Variants in ZNF687 observed in about 807,000 individuals in gnomAD.
The protein encoded by ZNF687 is zinc finger protein 687.
In ZNF687, 13 loss-of-function variants were observed where a neutral mutation model predicts 71.8. The observed-to-expected ratio is 0.18, with a 90% CI of 0.12 to 0.29. ZNF687 has a LOEUF of 0.29. Ranked by LOEUF, ZNF687 falls within the 10% of genes least tolerant of loss-of-function variation. The probability of loss-of-function intolerance (pLI) is 1.00; values close to 1 mark genes in which losing one functional copy is unlikely to be tolerated. For missense variants in ZNF687, 1,412 were observed against 1,625.6 expected (o/e 0.87, Z 2.26); for synonymous variants, 673 against 641.6 (o/e 1.05, Z -0.74).
Position 151,291,548 on chromosome 1 carries a change from T to TG in ZNF687, c.*344dup, listed in dbSNP as rs921562851. The stretch of plus-strand genomic sequence containing the variant: ...CTAGACAGGTTCAGGGAAGGACTGA[T>TG]GGGGGTGTCATGGATGGACACACCT... On this transcript the variant is annotated 3_prime_UTR_variant, in exon 9 of 9. Coordinates refer to ENST00000336715, the MANE Select transcript of ZNF687 (RefSeq NM_020832.3). 4.7e-5 allele frequency: 11 copies of TG among 231,590 alleles called. No individual in the cohort carries two copies. The highest frequency in any genetic ancestry group is 8.5e-5 in the Non-Finnish European group (10 of 117,320). 14.3% of individuals were successfully genotyped at this position (231,590 alleles called of 1,614,324 possible).
chr1:151,286,177 G>A (rs1571092554), intron 1 of ZNF687, 98 bp from the exon 2 acceptor site: 1 of 1,055,922 alleles, frequency 9.5e-7, no homozygotes, highest in Non-Finnish European at 1.4e-6. Flanking sequence ...GTGTATGTGG[G>A]TTCTGAGAGA....
At chr1:151,288,487 G>A in intron 2 of ZNF687, 41 bp from the exon 3 acceptor site, 2 of 1,580,930 alleles carry the variant, frequency 1.3e-6, no homozygotes, top group East Asian at 2.2e-5. Context: ...ATGGAGACAG[G>A]ACACTCCTCA....
chr1:151,283,763 G>T (rs1456971879), intron 1 of ZNF687: 2 of 923,164 alleles, frequency 2.2e-6, no homozygotes, highest in Non-Finnish European at 2.6e-6. Context: ...ATTGAATAGG[G>T]TGGGGGTGAG....
chr1:151,283,000 T>C (rs1428795991), intron 1 of ZNF687: 1 of 537,522 alleles, frequency 1.9e-6, no homozygotes, highest in Non-Finnish European at 2.4e-6. Flanking sequence ...CCTCCCCTCT[T>C]TCCAGCTCCC....
In ZNF687 at chr1:151,286,111, G is replaced by A. The variant is rs191798101; in HGVS notation, c.-17-164G>A. The A allele has an allele frequency of 7.9e-6, 4 of 507,740 alleles. No individual in the cohort carries two copies. The Admixed American group carries it at 1.1e-4, about 14-fold the overall frequency. The allele number at this position is 507,740 out of a possible 1,614,324, so 31.5% of individuals were successfully genotyped here. ...AATCCTCTTCTGATTTTAAGGTTTG[G>A]CAAACCTAGCAGCTCTGTAGGATTC... On this transcript the variant is annotated intron_variant, in intron 1 of 8. Coordinates refer to ENST00000336715, the MANE Select transcript of ZNF687 (RefSeq NM_020832.3).
chr1:151,289,856 C>G lies in ZNF687; in HGVS notation c.2813C>G (p.Pro938Arg), dbSNP rs74472096. 1.1e-4 allele frequency: 165 copies of G among 1,567,684 alleles called. No homozygotes were observed. The highest frequency in any genetic ancestry group is 4.7e-4 in the East Asian group (20 of 42,186). Residue 938 changes from proline (P) to arginine (R), a missense_variant, in exon 6 of 9, where the codon CCC becomes CGC. By Grantham distance (103) the Pro-to-Arg change is moderately radical. Around this residue, in one of 8 missense-constraint regions of ZNF687, gnomAD observed 135 missense variants for 104.1 expected, o/e 1.30. Transcript: ENST00000336715. ...GAAGTACCCAGCTCCCCTGAGCCCC[C>G]CCGTCCAGCCAAACGGCCTCGGCGG... ...EEEVPSSPEP[P>R]RPAKRPRREL...
At chr1:151,284,360 G>A in intron 1 of ZNF687, 1 of 716,332 alleles carries the variant, frequency 1.4e-6, no homozygotes, top group Non-Finnish European at 1.7e-6. Context: ...CTCTGGGGAA[G>A]GTAGTGAGCG....
At chr1:151,284,324 A>AGG in intron 1 of ZNF687, 1 of 948,800 alleles carries the variant, frequency 1.1e-6, no homozygotes, top group Non-Finnish European at 1.3e-6. Context: ...TGGAGAAGGA[A>AGG]GGGCTGGCTA....
intron 1 of ZNF687, among the ~76,000 whole-genome samples, chr1:151,282,836 G>T (rs956511037): frequency 5.3e-5 from 8 of 152,208 alleles, no homozygotes; most frequent in Non-Finnish European, 1.0e-4. Flanking sequence ...CCGGCCCCCT[G>T]CGCACCCCCC....
chr1:151,291,105 G>A lies in ZNF687; in HGVS notation c.3610G>A (p.Val1204Ile). The A allele has an allele frequency of 1.2e-6, 2 of 1,613,524 alleles. No individual in the cohort carries two copies. The highest frequency in any genetic ancestry group is 8.5e-7 in the Non-Finnish European group (1 of 1,180,010). The stretch of plus-strand genomic sequence containing the variant: ...TTCTGGAGGCCCACTGACCTGTAAG[G>A]TCTGTGGCAAGAGCTGCGACAGCCC... ...PASGGPLTCK[V>I]CGKSCDSPLN... The change falls in exon 9 of 9, where the codon GTC (valine) becomes ATC (isoleucine). Residue 1204 changes from valine to isoleucine, a missense_variant. Val to Ile is a conservative substitution (Grantham distance 29). Around this residue, in one of 8 missense-constraint regions of ZNF687, gnomAD observed 284 missense variants for 359.2 expected, o/e 0.79. Coordinates refer to ENST00000336715, the MANE Select transcript of ZNF687 (RefSeq NM_020832.3).
At position 151,284,272 on chromosome 1, in the gene ZNF687, A is replaced by T. The variant is rs1019833933; in HGVS notation, c.-18+1877A>T. 4.4e-5 allele frequency: 43 copies of T among 985,144 alleles called. No individual in the cohort carries two copies. In the African/African-American group the frequency reaches 7.5e-4, roughly 17 times the overall value. The allele number at this position is 985,144 out of a possible 1,614,324, so 61.0% of individuals were successfully genotyped here. ...AGCTGTGCTGGAGAAATGTGTATGT[A>T]TCTTGGGAGTTTTAGCCTCGGGAAA... On this transcript the variant is annotated intron_variant, in intron 1 of 8. Coordinates refer to ENST00000336715, the MANE Select transcript of ZNF687 (RefSeq NM_020832.3).
Position 151,288,663 on chromosome 1 carries a change from C to T in ZNF687, c.2251C>T (p.Leu751Phe). The T allele has an allele frequency of 6.2e-7, 1 of 1,614,072 alleles. No homozygotes were observed. Among genetic ancestry groups the T allele is most frequent in the Non-Finnish European group, 8.5e-7 (1 of 1,179,958 alleles). Residue 751 changes from leucine to phenylalanine, a missense_variant, in exon 3 of 9, where the codon CTC (leucine) becomes TTC (phenylalanine). Leu to Phe is a conservative substitution (Grantham distance 22, BLOSUM62 0). Around this residue, in one of 8 missense-constraint regions of ZNF687, gnomAD observed 207 missense variants for 239.2 expected, o/e 0.87. Coordinates refer to ENST00000336715, the MANE Select transcript of ZNF687 (RefSeq NM_020832.3). ...NFLQANFQTHLREACLHVSRR... is the reference protein window; with the variant it reads ...NFLQANFQTHFREACLHVSRR... ...CCTGCAAGCCAATTTTCAGACCCAT[C>T]TCCGGGAGGCCTGTCTGCACGTCTC...
At position 151,287,277 on chromosome 1, in the gene ZNF687, A is replaced by G. The variant is rs748899962; in HGVS notation, c.986A>G (p.Lys329Arg). The change falls in exon 2 of 9, where the codon AAG (lysine) becomes AGG (arginine). Residue 329 changes from lysine to arginine, a missense_variant. Transcript: ENST00000336715. This position sits in a 1 kb window ranked among gnomAD's most constrained non-coding sequence, Gnocchi z 5.0. ...GCCTCCAGCTCCTCTAGGCCTCTTA[A>G]GGTGCGGATCAAGACCATTAAAACA... The part of the protein sequence containing the change: ...SPASSSSRPL[K>R]VRIKTIKTSC... 5.0e-6 allele frequency: 8 copies of G among 1,614,082 alleles called. No individual in the cohort carries two copies. In the African/African-American group the frequency reaches 1.1e-4, roughly 22 times the overall value.
intron 8 of ZNF687, 26 bp from the exon 9 acceptor site, chr1:151,290,689 G>C: frequency 6.3e-7 from 1 of 1,585,304 alleles, no homozygotes; most frequent in Non-Finnish European, 8.6e-7. Context: ...TGGTGGTAAG[G>C]CCCAGTTTCT....
intron 1 of ZNF687, chr1:151,283,070 G>T (rs1376640848): frequency 3.0e-6 from 3 of 983,624 alleles, no homozygotes; most frequent in Admixed American, 1.2e-4. Context: ...CAAAGGGCCT[G>T]GCCTGGCTGA....
At chr1:151,282,542 C>G (rs1282487263) in intron 1 of ZNF687, 147 bp downstream of exon 1, 1 of 465,134 alleles carries the variant, frequency 2.1e-6, no homozygotes, top group Non-Finnish European at 2.8e-6. Flanking sequence ...CAGACACCGC[C>G]TCCATCCATT....
Position 151,290,179 on chromosome 1 carries a change from C to T in ZNF687, c.3022C>T (p.Leu1008=). The part of the protein sequence containing the change: ...CERSFCSAPS[L]RRHVRVNHEG... The stretch of plus-strand genomic sequence containing the variant: ...GCGCTCCTTCTGCTCCGCCCCCAGC[C>T]TGAGGCGCCATGTCAGAGTTAATCA... The change falls in exon 7 of 9, where the codon CTG becomes TTG. Residue 1008 remains leucine (L), a synonymous_variant. Coordinates refer to ENST00000336715, the MANE Select transcript of ZNF687 (RefSeq NM_020832.3). The T allele has an allele frequency of 6.2e-7, 1 of 1,614,036 alleles. No homozygotes were observed.
upstream of ZNF687, chr1:151,282,101 C>A (rs1693735276): frequency 7.8e-7 from 1 of 1,276,528 alleles, no homozygotes; most frequent in Non-Finnish European, 1.0e-6. Flanking sequence ...GGGCCTCGGC[C>A]CCTTGCCCAA....
Position 151,287,388 on chromosome 1 carries a change from C to T in ZNF687, c.1097C>T (p.Ala366Val). Residue 366 changes from alanine (A) to valine (V), a missense_variant, in exon 2 of 9, where the codon GCT (alanine) becomes GTT (valine). Ala to Val is a moderately conservative substitution (Grantham distance 64). This residue lies in a region of ZNF687 where 490 missense variants were observed against 489.9 expected (regional missense o/e 1.00). Transcript: ENST00000336715. The surrounding 1 kb of genome is among the most constrained non-coding windows in gnomAD (Gnocchi z 5.0). ...PAPLAEGAFL[A>V]EASLLKLSPA... ...CCCTTGGCTGAGGGGGCCTTCTTGG[C>T]TGAGGCTAGCCTCTTGAAGCTGTCC... 6.2e-7 allele frequency: 1 copy of T among 1,614,210 alleles called. No homozygotes were observed. Among genetic ancestry groups the T allele is most frequent in the Non-Finnish European group, 8.5e-7 (1 of 1,180,040 alleles).
Sources: gnomAD v4.1 joint callset for allele counts (sites outside exome capture counted in the v4.1 genomes callset) on GRCh38, gnomAD v4.1.1 for gene constraint, gnomAD v4.1.1 regional missense constraint, Gnocchi (gnomAD v3.1) non-coding constraint, MANE v1.5 for transcripts, NCBI Gene and HGNC (gene_info 2026-07-23, HGNC 2026-07-21) for gene names.